MCTP1: variants seen among roughly 807,000 people sequenced by gnomAD.
MCTP1 encodes multiple C2 and transmembrane domain containing 1.
MCTP1 carries 69 observed loss-of-function variants against 120.6 expected under a neutral mutation model. That is an observed-to-expected ratio of 0.57 (90% confidence interval 0.47 to 0.70). The LOEUF is 0.70. Among genes scored for constraint, MCTP1 ranks in the 30% least tolerant of loss-of-function variants. MCTP1 has a pLI of 0.00. For missense variants in MCTP1, 1,203 were observed against 1,248.8 expected (o/e 0.96, Z 0.55); for synonymous variants, 529 against 493.1 (o/e 1.07, Z -0.96).
At chr5:94,876,943 G>C (rs887064462) in intron 12 of MCTP1, among the ~76,000 whole-genome samples, 3 of 152,060 alleles carry the variant, frequency 2.0e-5, no homozygotes, top group African/African-American at 7.2e-5. Flanking sequence ...ACATAGTCCA[G>C]CTCTCAAGGC....
chr5:95,117,234 G>GA (rs1206928255), intron 1 of MCTP1, among the ~76,000 whole-genome samples: 1 of 151,508 alleles, frequency 6.6e-6, no homozygotes, highest in Non-Finnish European at 1.5e-5. Flanking sequence ...ACTAAAAACA[G>GA]AAAAAAATTA....
At chr5:95,240,672 A>G (rs1756060506) in intron 1 of MCTP1, among the ~76,000 whole-genome samples, 1 of 152,214 alleles carries the variant, frequency 6.6e-6, no homozygotes, top group South Asian at 2.1e-4. Flanking sequence ...CTATCAAATC[A>G]GTGCAGGCTT....
In MCTP1 at chr5:95,000,561, CA is replaced by C; in HGVS notation, c.838+16805del. Among the ~76,000 whole-genome samples, 2 of 151,218 alleles carry C rather than the reference CA, an allele frequency of 1.3e-5. 1 individual carries two copies. The highest frequency in any genetic ancestry group is 4.9e-5 in the African/African-American group (2 of 41,100). ...TGTGTGTTTGTGTCTTTGCTTTTAA[CA>C]AAAAAGTCTAAAATGTTAAAAATAT... On this transcript the variant is annotated intron_variant, in intron 2 of 22. Coordinates refer to ENST00000515393, the MANE Select transcript of MCTP1 (RefSeq NM_024717.7).
chr5:94,935,964 T>C (rs1463825999), intron 5 of MCTP1, among the ~76,000 whole-genome samples: 2 of 152,084 alleles, frequency 1.3e-5, no homozygotes, highest in Admixed American at 6.6e-5. Context: ...TTAAGATACA[T>C]TGGATCTCTG....
chr5:94,769,515 C>T (rs574731278), intron 19 of MCTP1, among the ~76,000 whole-genome samples: 1 of 152,046 alleles, frequency 6.6e-6, no homozygotes, highest in African/African-American at 2.4e-5. Context: ...AAACCAGTAA[C>T]CCCATGAGGT....
At chr5:95,081,896 A>G (rs1230053364) in intron 1 of MCTP1, 1 of 864,730 alleles carries the variant, frequency 1.2e-6, no homozygotes, top group Non-Finnish European at 1.4e-6. Context: ...AATGAGAATA[A>G]CAACACTGCA....
intron 1 of MCTP1, among the ~76,000 whole-genome samples, chr5:95,161,153 G>A (rs1296834570): frequency 6.6e-6 from 1 of 152,116 alleles, no homozygotes; most frequent in African/African-American, 2.4e-5. Context: ...CATGTTCATT[G>A]CACCATTCTT....
chr5:94,906,034 G>T (rs1426309157), intron 10 of MCTP1, among the ~76,000 whole-genome samples: 2 of 152,208 alleles, frequency 1.3e-5, no homozygotes, highest in Non-Finnish European at 2.9e-5. Flanking sequence ...AGGTAAGGAA[G>T]GGGTCAGCTA....
chr5:95,095,932 G>A (rs912875196), intron 1 of MCTP1, among the ~76,000 whole-genome samples: 16 of 152,132 alleles, frequency 1.1e-4, no homozygotes, highest in Non-Finnish European at 1.6e-4. Flanking sequence ...TGGTTTCCTG[G>A]CCCTGAGGGG....
chr5:95,082,835 G>A (rs1340822759), intron 1 of MCTP1, among the ~76,000 whole-genome samples: 1 of 152,108 alleles, frequency 6.6e-6, no homozygotes. Flanking sequence ...CATAGGCCTA[G>A]GGTTCAAGGC....
chr5:95,009,063 AGAGAG>A, intron 2 of MCTP1, among the ~76,000 whole-genome samples: 1 of 10,058 alleles, frequency 9.9e-5, no homozygotes, highest in African/African-American at 1.2e-4. Flanking sequence ...AGAAAGAGAG[AGAGAG>A]AGAGAGAGAG....
chr5:94,884,361 G>A (rs1482310367), intron 12 of MCTP1, among the ~76,000 whole-genome samples: 1 of 152,134 alleles, frequency 6.6e-6, no homozygotes, highest in Admixed American at 6.6e-5. Flanking sequence ...TTTATTAAAA[G>A]CACTATTCTG....
chr5:94,908,018 G>A (rs72775388), intron 10 of MCTP1, among the ~76,000 whole-genome samples: 9,956 of 152,016 alleles, frequency 0.065, 345 homozygotes, highest in Non-Finnish European at 0.081. Flanking sequence ...CTAATCATTC[G>A]AGGAATAGCT....
At chr5:95,071,329 TG>T (rs1752125142) in intron 1 of MCTP1, among the ~76,000 whole-genome samples, 1 of 152,184 alleles carries the variant, frequency 6.6e-6, no homozygotes, top group Admixed American at 6.5e-5. Flanking sequence ...TGGAGAATTT[TG>T]GTGCTGCCAG....
rs530703024 is a variant in MCTP1, at chr5:95,117,627, C to A, written c.721-100143G>T. Among the ~76,000 whole-genome samples, 8 of 152,118 alleles carry A rather than the reference C, an allele frequency of 5.3e-5. No homozygotes were observed. The South Asian group carries it at 1.7e-3, about 32-fold the overall frequency. Reference sequence around the variant, plus strand: ...TAGCAATTCCTCAAAGATCTAGAACCAGAAAAACCATTTGACCCAGCAATC... The same window carrying A: ...TAGCAATTCCTCAAAGATCTAGAACAAGAAAAACCATTTGACCCAGCAATC... On this transcript the variant is annotated intron_variant, in intron 1 of 22. Coordinates refer to ENST00000515393, the MANE Select transcript of MCTP1 (RefSeq NM_024717.7).
At chr5:94,772,875 T>G (rs909892603) in intron 19 of MCTP1, among the ~76,000 whole-genome samples, 21 of 152,036 alleles carry the variant, frequency 1.4e-4, no homozygotes, top group Non-Finnish European at 2.6e-4. Flanking sequence ...AAAAGTTGAG[T>G]GGTAGGTCTG....
chr5:94,722,015 A>T (rs952908574), intron 19 of MCTP1, among the ~76,000 whole-genome samples: 1 of 152,188 alleles, frequency 6.6e-6, no homozygotes, highest in Non-Finnish European at 1.5e-5. Context: ...GGTTTTAAAT[A>T]GTCCCTAAAA....
chr5:94,847,226 C>T lies in MCTP1; in HGVS notation c.2436+21107G>A, dbSNP rs1792597408. Among the ~76,000 whole-genome samples, 4 of 152,148 alleles carry T rather than the reference C, an allele frequency of 2.6e-5. No homozygotes were observed. The South Asian group carries it at 8.3e-4, about 32-fold the overall frequency. On this transcript the variant is annotated intron_variant, in intron 17 of 22. Transcript: ENST00000515393. ...ACATCAAAGGCTGAGAAGCACTGTT[C>T]TAAGAACTTATTCAGAGTTCCATGC...
chr5:95,254,817 G>A (rs1361056641), intron 1 of MCTP1, among the ~76,000 whole-genome samples: 1 of 152,076 alleles, frequency 6.6e-6, no homozygotes, highest in Non-Finnish European at 1.5e-5. Flanking sequence ...TCTGTGATTT[G>A]GCCAAGACAA....
Sources: gnomAD v4.1 joint callset for allele counts (sites outside exome capture counted in the v4.1 genomes callset) on GRCh38, gnomAD v4.1.1 for gene constraint, MANE v1.5 for transcripts, NCBI Gene and HGNC (gene_info 2026-07-23, HGNC 2026-07-21) for gene names.